DRAXIN: variants seen among roughly 807,000 people sequenced by gnomAD.
DRAXIN encodes the protein dorsal repulsive axon guidance protein.
Under a neutral mutation model 33.9 loss-of-function variants are expected in DRAXIN, and 27 were observed. That is an observed-to-expected ratio of 0.80 (90% CI 0.59 to 1.10). The LOEUF is 1.10. Among genes scored for constraint, DRAXIN ranks in the 50% least tolerant of loss-of-function variants. DRAXIN has a pLI of 0.00. For missense variants in DRAXIN, 371 were observed against 460.8 expected (o/e 0.81, Z 1.78); for synonymous variants, 178 against 194.0 (o/e 0.92, Z 0.69).
intron 1 of DRAXIN, among the ~76,000 whole-genome samples, chr1:11,702,182 A>G (rs1195962937): frequency 6.6e-6 from 1 of 150,924 alleles, no homozygotes; most frequent in Non-Finnish European, 1.5e-5. Context: ...GACAACACAC[A>G]TGCTCACACA....
chr1:11,695,868 G>T (rs12034678), intron 1 of DRAXIN, among the ~76,000 whole-genome samples: 32,258 of 152,038 alleles, frequency 0.21, 3,565 homozygotes, highest in East Asian at 0.36. Flanking sequence ...CAGGTGAGCG[G>T]GGAATGCTGG....
intron 5 of DRAXIN, among the ~76,000 whole-genome samples, chr1:11,712,996 G>C (rs1402705719): frequency 6.6e-6 from 1 of 151,860 alleles, no homozygotes; most frequent in African/African-American, 2.4e-5. Flanking sequence ...TCAGGAGTTT[G>C]AGACCAGCCT....
At chr1:11,715,233 G>C in intron 6 of DRAXIN, 25 bp downstream of exon 6, 1 of 1,613,846 alleles carries the variant, frequency 6.2e-7, no homozygotes, top group Non-Finnish European at 8.5e-7. Context: ...CTTTGCGGGG[G>C]GCTACCCATG....
At chr1:11,693,721 C>T (rs567392372) in intron 1 of DRAXIN, among the ~76,000 whole-genome samples, 62 of 152,290 alleles carry the variant, frequency 4.1e-4, no homozygotes, top group African/African-American at 1.2e-3. Context: ...ACCATCTCTA[C>T]CCCCTGCCTT....
intron 1 of DRAXIN, among the ~76,000 whole-genome samples, chr1:11,699,444 C>T (rs560848596): frequency 1.6e-4 from 24 of 152,116 alleles, no homozygotes; most frequent in African/African-American, 5.8e-4. Context: ...AGATTCTGTG[C>T]GACCACTGCT....
chr1:11,704,953 G>A lies in DRAXIN; in HGVS notation c.-10-1296G>A, dbSNP rs1218804642. On this transcript the variant is annotated intron_variant, in intron 1 of 6. Transcript: ENST00000294485. This position sits in a 1 kb window ranked among gnomAD's most constrained non-coding sequence, Gnocchi z 4.6. ...TTTCCCCCCTCCCCTCCACGAGTGC[G>A]TGGTCAGAGCTTCGAGGGCACAGCA... 3.3e-5 allele frequency among the ~76,000 whole-genome samples: 5 copies of A among 152,290 alleles called. No individual in the cohort carries two copies. The highest frequency in any genetic ancestry group is 4.1e-4 in the South Asian group (2 of 4,830).
intron 6 of DRAXIN, among the ~76,000 whole-genome samples, chr1:11,716,136 TG>T (rs1202022769): frequency 6.6e-6 from 1 of 152,254 alleles, no homozygotes; most frequent in African/African-American, 2.4e-5. Context: ...CCCAAAGTTC[TG>T]GGATTACAGG....
chr1:11,716,183 A>G (rs1001986432), intron 6 of DRAXIN, among the ~76,000 whole-genome samples: 6 of 152,156 alleles, frequency 3.9e-5, no homozygotes, highest in African/African-American at 1.4e-4. Flanking sequence ...TCAATTTTGT[A>G]TTCTGCAAAG....
At chr1:11,688,351 G>A (rs1436750751), upstream of DRAXIN, among the ~76,000 whole-genome samples, 1 of 152,180 alleles carries the variant, frequency 6.6e-6, no homozygotes, top group African/African-American at 2.4e-5. This position sits in a 1 kb window ranked among gnomAD's most constrained non-coding sequence, Gnocchi z 4.6. Flanking sequence ...CCTGAGGTCA[G>A]GATATCGAGA....
At chr1:11,691,136 C>T (rs1289633147), upstream of DRAXIN, among the ~76,000 whole-genome samples, 1 of 152,204 alleles carries the variant, frequency 6.6e-6, no homozygotes, top group Non-Finnish European at 1.5e-5. Flanking sequence ...TACAAAGGCC[C>T]CGCCGTTCCC....
chr1:11,698,120 G>C (rs1215490715), intron 1 of DRAXIN, among the ~76,000 whole-genome samples: 1 of 152,128 alleles, frequency 6.6e-6, no homozygotes, highest in Non-Finnish European at 1.5e-5. Context: ...TCTCATGGCA[G>C]CCTAATAATC....
intron 1 of DRAXIN, among the ~76,000 whole-genome samples, chr1:11,693,723 C>G (rs1047468620): frequency 6.6e-5 from 10 of 152,180 alleles, no homozygotes; most frequent in South Asian, 4.1e-4. Context: ...CATCTCTACC[C>G]CCTGCCTTCT....
rs1433618145 is a variant in DRAXIN at position 11,720,616 on chromosome 1, A to G, written c.*920A>G. 1.7e-5 allele frequency: 2 copies of G among 120,278 alleles called. No homozygotes were observed. Among genetic ancestry groups the G allele is most frequent in the Non-Finnish European group, 3.6e-5 (2 of 55,170 alleles). 7.5% of individuals were successfully genotyped at this position (120,278 alleles called of 1,614,324 possible). On this transcript the variant is annotated 3_prime_UTR_variant, in exon 7 of 7. Coordinates refer to ENST00000294485, the MANE Select transcript of DRAXIN (RefSeq NM_198545.4). ...CTCAAAAAAAAAAAAAAAAAAAAGC[A>G]CATCTGACTCAGTGGGCTCTGTGCT...
intron 1 of DRAXIN, among the ~76,000 whole-genome samples, chr1:11,702,747 C>CTTTTTTTTTTTTTT (rs33972819): frequency 9.6e-5 from 14 of 145,552 alleles, no homozygotes; most frequent in Non-Finnish European, 6.0e-5. Flanking sequence ...GGTATGAATT[C>CTTTTTTTTTTTTTT]TTTTTTTTTT....
chr1:11,693,154 TCTC>T (rs1219366073), intron 1 of DRAXIN, among the ~76,000 whole-genome samples: 3 of 151,842 alleles, frequency 2.0e-5, no homozygotes, highest in Non-Finnish European at 2.9e-5. Flanking sequence ...TCTTTCTCTC[TCTC>T]CTCCTCTTTG....
At chr1:11,713,252 G>T (rs1015813687) in intron 5 of DRAXIN, among the ~76,000 whole-genome samples, 2 of 151,828 alleles carry the variant, frequency 1.3e-5, no homozygotes, top group South Asian at 2.1e-4. Context: ...CCAGGTGATT[G>T]AGCCCCAGAG....
intron 1 of DRAXIN, among the ~76,000 whole-genome samples, chr1:11,693,324 C>G (rs1457023021): frequency 6.6e-6 from 1 of 152,068 alleles, no homozygotes; most frequent in Non-Finnish European, 1.5e-5. Flanking sequence ...TGGCTTGATG[C>G]CTTTAATAGC....
rs1372551089 is a variant in DRAXIN at position 11,724,133 on chromosome 1, AG to A, written c.*4438del. ...AGGGTCAGGGTACGGTTCCATGGTCAGAGAGGTTTGGAAAACTGTTCTGGCC... is the reference window on the plus strand; with the variant it reads ...AGGGTCAGGGTACGGTTCCATGGTCAAGAGGTTTGGAAAACTGTTCTGGCC... On this transcript the variant is annotated 3_prime_UTR_variant, in exon 7 of 7. Coordinates refer to ENST00000294485, the MANE Select transcript of DRAXIN (RefSeq NM_198545.4). The A allele has an allele frequency of 6.6e-6, 1 of 152,232 alleles. No individual in the cohort carries two copies. The highest frequency in any genetic ancestry group is 2.4e-5 in the African/African-American group (1 of 41,472). 9.4% of individuals were successfully genotyped at this position (152,232 alleles called of 1,614,324 possible).
At chr1:11,709,851 A>G (rs976430479) in intron 3 of DRAXIN, among the ~76,000 whole-genome samples, 11 of 152,250 alleles carry the variant, frequency 7.2e-5, no homozygotes, top group African/African-American at 2.4e-4. Context: ...AGAATTAATA[A>G]GCATTAGCTA....
Sources: gnomAD v4.1 joint callset for allele counts (sites outside exome capture counted in the v4.1 genomes callset) on GRCh38, gnomAD v4.1.1 for gene constraint, Gnocchi (gnomAD v3.1) non-coding constraint, MANE v1.5 for transcripts, NCBI Gene and HGNC (gene_info 2026-07-23, HGNC 2026-07-21) for gene names.